ECPAS: variants seen among roughly 807,000 people sequenced by gnomAD.
ECPAS encodes proteasome adapter and scaffold protein ECM29.
ECPAS carries 70 observed loss-of-function variants against 255.1 expected under a neutral mutation model. The observed-to-expected ratio is 0.27, with a 90% CI of 0.23 to 0.33. The LOEUF (loss-of-function observed/expected upper bound fraction) is 0.33. Among genes scored for constraint, ECPAS ranks in the 10% least tolerant of loss-of-function variants. The pLI is 1.00. For missense variants in ECPAS, 1,817 were observed against 2,206.4 expected (o/e 0.82, Z 3.54); for synonymous variants, 784 against 775.0 (o/e 1.01, Z -0.19).
At chr9:111,386,725 C>T (rs534155050) in intron 31 of ECPAS, among the ~76,000 whole-genome samples, 1 of 152,332 alleles carries the variant, frequency 6.6e-6, no homozygotes, top group South Asian at 2.1e-4. Context: ...CAGGCATGCA[C>T]ACAAAGCCTT....
chr9:111,479,009 G>A (rs988573642), intron 1 of ECPAS, among the ~76,000 whole-genome samples: 4 of 152,154 alleles, frequency 2.6e-5, no homozygotes, highest in Admixed American at 6.6e-5. Context: ...GGTGCAAAGA[G>A]GTAAGATGGC....
At chr9:111,384,901 T>C in intron 33 of ECPAS, among the ~76,000 whole-genome samples, 1 of 151,106 alleles carries the variant, frequency 6.6e-6, no homozygotes, top group Non-Finnish European at 1.5e-5. Flanking sequence ...CTCCAATAAA[T>C]AAAGCAAAAA....
chr9:111,378,611 T>C lies in ECPAS; in HGVS notation c.3923A>G (p.Tyr1308Cys), dbSNP rs766665723. 6.2e-7 allele frequency: 1 copy of C among 1,613,688 alleles called. No individual in the cohort carries two copies. The highest frequency in any genetic ancestry group is 8.5e-7 in the Non-Finnish European group (1 of 1,179,650). The change falls in exon 36 of 50, where the codon TAT (tyrosine) becomes TGT (cysteine). Residue 1308 changes from tyrosine to cysteine, a missense_variant. By Grantham distance (194) the Tyr-to-Cys change is radical (BLOSUM62 -2). This residue lies in a region of ECPAS where 960 missense variants were observed against 1,179.0 expected (regional missense o/e 0.81). Coordinates refer to ENST00000684092, the MANE Select transcript of ECPAS (RefSeq NM_001364929.1). ...LSVLEPQVLN[Y>C]LSLRATEQEK... Reference sequence around the variant, plus strand: ...TTGCTCTGTCGCCCGGAGGCTCAAATAATTGAGAACTTGGGGCTCCAATAC... The same window carrying C: ...TTGCTCTGTCGCCCGGAGGCTCAAACAATTGAGAACTTGGGGCTCCAATAC...
intron 2 of ECPAS, among the ~76,000 whole-genome samples, chr9:111,458,929 C>A (rs2098270077): frequency 6.6e-6 from 1 of 152,118 alleles, no homozygotes; most frequent in African/African-American, 2.4e-5. Flanking sequence ...AAATACACGG[C>A]TTTCCTGAGT....
intron 2 of ECPAS, among the ~76,000 whole-genome samples, chr9:111,461,601 G>A (rs1313297086): frequency 6.6e-6 from 1 of 152,178 alleles, no homozygotes; most frequent in East Asian, 1.9e-4. Context: ...TTAAACAGAG[G>A]TGTCACTGCA....
At chr9:111,482,533 A>C (rs2098307511) in intron 1 of ECPAS, among the ~76,000 whole-genome samples, 1 of 152,228 alleles carries the variant, frequency 6.6e-6, no homozygotes, top group South Asian at 2.1e-4. Context: ...CGGCTTTAAC[A>C]ACGTAAGCTT....
intron 29 of ECPAS, among the ~76,000 whole-genome samples, chr9:111,390,773 G>A (rs1461939040): frequency 6.6e-6 from 1 of 152,176 alleles, no homozygotes; most frequent in East Asian, 1.9e-4. Flanking sequence ...TTTGCCTAAC[G>A]ATCCGTAGAA....
At chr9:111,376,088 C>G (rs537733349) in intron 37 of ECPAS, among the ~76,000 whole-genome samples, 3 of 152,174 alleles carry the variant, frequency 2.0e-5, no homozygotes, top group Non-Finnish European at 2.9e-5. Context: ...CTTCACATAC[C>G]TTTATGTTAC....
At chr9:111,462,164 T>C (rs2098273949) in intron 2 of ECPAS, among the ~76,000 whole-genome samples, 1 of 152,178 alleles carries the variant, frequency 6.6e-6, no homozygotes, top group South Asian at 2.1e-4. Context: ...ATAAAGAATA[T>C]TCTCATTACC....
At position 111,384,567 on chromosome 9, in the gene ECPAS, T is replaced by G. The variant is rs552562121; in HGVS notation, c.3636A>C (p.Glu1212Asp). 7 of 1,613,584 alleles carry G rather than the reference T, an allele frequency of 4.3e-6. No homozygotes were observed. In the South Asian group the frequency reaches 5.5e-5, roughly 13 times the overall value. The change falls in exon 34 of 50, where the codon GAA (glutamate) becomes GAC (aspartate). Residue 1212 changes from glutamate to aspartate, a missense_variant and splice_region_variant. Glu to Asp is a conservative substitution (Grantham distance 45). Coordinates refer to ENST00000684092, the MANE Select transcript of ECPAS (RefSeq NM_001364929.1). The part of the protein sequence containing the change: ...TLFRVQDDIK[E>D]SVRKAAELAL... ...CTAGTTCTGCCGCTTTTCGTACAGA[T>G]TCCTAAAAATGACAAAAGTGTGACA... is the stretch of plus-strand genomic sequence containing the variant.
chr9:111,389,131 A>G lies in ECPAS; in HGVS notation c.3447+425T>C, dbSNP rs1450108907. 2.0e-5 allele frequency among the ~76,000 whole-genome samples: 3 copies of G among 152,368 alleles called. No individual in the cohort carries two copies. In the East Asian group the frequency reaches 5.8e-4, roughly 29 times the overall value. On this transcript the variant is annotated intron_variant, in intron 31 of 49. Transcript: ENST00000684092. ...AAATCTTAATATCTAAAAGTGGGAC[A>G]GAACATGATTAACAGCCAGATGAGA...
intron 18 of ECPAS, among the ~76,000 whole-genome samples, chr9:111,415,735 C>T (rs2098202452): frequency 6.7e-6 from 1 of 149,494 alleles, no homozygotes; most frequent in Non-Finnish European, 1.5e-5. Flanking sequence ...ACAAAAAAAA[C>T]AACCCTTACA....
At chr9:111,416,826 G>A (rs902622168) in intron 17 of ECPAS, among the ~76,000 whole-genome samples, 7 of 152,136 alleles carry the variant, frequency 4.6e-5, no homozygotes, top group African/African-American at 1.7e-4. Context: ...GGTGTCCTCC[G>A]GCAAAGTGGG....
At chr9:111,472,809 G>T in intron 2 of ECPAS, 88 bp downstream of exon 2, 1 of 263,430 alleles carries the variant, frequency 3.8e-6, no homozygotes, top group Non-Finnish European at 7.4e-6. Flanking sequence ...TGAAGATCTT[G>T]GGGGGAAATT....
intron 24 of ECPAS, among the ~76,000 whole-genome samples, chr9:111,406,300 A>C (rs996429420): frequency 2.0e-5 from 3 of 149,776 alleles, no homozygotes; most frequent in Non-Finnish European, 2.9e-5. Flanking sequence ...TCTCACTTGT[A>C]TGTGAGAAAA....
rs757856856 is a variant in ECPAS, at chr9:111,416,261, G to A, written c.1764+11C>T. 2.6e-5 allele frequency: 42 copies of A among 1,596,410 alleles called. No individual in the cohort carries two copies. Among genetic ancestry groups the A allele is most frequent in the Non-Finnish European group, 3.4e-5 (39 of 1,164,164 alleles). ...TTACAAAAAGTAAATAGAAATATAT[G>A]AAAGTTCTACCTCTCCAAAGGCTGC... On this transcript the variant is annotated intron_variant, in intron 18 of 49. Coordinates refer to ENST00000684092, the MANE Select transcript of ECPAS (RefSeq NM_001364929.1).
chr9:111,462,671 G>A (rs2098274515), intron 2 of ECPAS, among the ~76,000 whole-genome samples: 1 of 150,732 alleles, frequency 6.6e-6, no homozygotes. Flanking sequence ...GTCCTTTACA[G>A]AGAAAATTAT....
At chr9:111,477,807 T>A (rs1481675940) in intron 1 of ECPAS, among the ~76,000 whole-genome samples, 1 of 151,858 alleles carries the variant, frequency 6.6e-6, no homozygotes, top group Non-Finnish European at 1.5e-5. Context: ...TCTTCTATTA[T>A]AATCACTGAC....
intron 27 of ECPAS, among the ~76,000 whole-genome samples, chr9:111,393,305 G>A (rs1490597291): frequency 1.3e-5 from 2 of 152,300 alleles, no homozygotes; most frequent in East Asian, 3.9e-4. Context: ...AGTACTGAAA[G>A]ATTTAACACA....
Sources: allele counts gnomAD v4.1 joint callset (sites outside exome capture counted in the v4.1 genomes callset), GRCh38; gene constraint gnomAD v4.1.1; regional missense constraint gnomAD v4.1.1; transcripts MANE v1.5; gene names NCBI Gene and HGNC (gene_info 2026-07-23, HGNC 2026-07-21).